PDE4D: variants seen among roughly 807,000 people sequenced by gnomAD.
PDE4D encodes the protein phosphodiesterase 4D.
A neutral mutation model predicts 87.4 loss-of-function variants in PDE4D; 24 were observed. That is an observed-to-expected ratio of 0.27 (90% CI 0.20 to 0.39). The LOEUF is 0.39. PDE4D is among the 10% of genes least tolerant of loss of function. The probability of loss-of-function intolerance (pLI) is 1.00; values close to 1 mark genes in which losing one functional copy is unlikely to be tolerated. For synonymous variants in PDE4D, 384 were observed against 383.2 expected (o/e 1.00, Z -0.02); for missense variants, 714 against 1,041.0 (o/e 0.69, Z 4.32).
At chr5:59,152,970 G>T (rs1044723683) in intron 5 of PDE4D, among the ~76,000 whole-genome samples, 3 of 152,138 alleles carry the variant, frequency 2.0e-5, no homozygotes, top group Non-Finnish European at 1.5e-5. Flanking sequence ...AGTTAGGGCA[G>T]ATAAAGTATG....
intron 1 of PDE4D, among the ~76,000 whole-genome samples, chr5:59,831,976 C>G (rs1741321266): frequency 6.6e-6 from 1 of 152,082 alleles, no homozygotes; most frequent in Non-Finnish European, 1.5e-5. Flanking sequence ...ATGGGCATAG[C>G]AGAATGGCAG....
intron 1 of PDE4D, among the ~76,000 whole-genome samples, chr5:59,686,284 A>G (rs1484547659): frequency 6.6e-6 from 1 of 152,150 alleles, no homozygotes; most frequent in African/African-American, 2.4e-5. Flanking sequence ...ATATTTTCCC[A>G]TTTACTCTTT....
intron 6 of PDE4D, among the ~76,000 whole-genome samples, chr5:58,995,058 C>T (rs924267225): frequency 6.7e-6 from 1 of 150,106 alleles, no homozygotes; most frequent in African/African-American, 2.4e-5. Context: ...AACAAACAAA[C>T]AAAAAAACAA....
intron 1 of PDE4D, among the ~76,000 whole-genome samples, chr5:59,632,047 C>G (rs1050241596): frequency 7.2e-5 from 11 of 152,144 alleles, no homozygotes; most frequent in Admixed American, 7.2e-4. Flanking sequence ...GATGCTCTAG[C>G]TTGGTGTGGG....
intron 1 of PDE4D, among the ~76,000 whole-genome samples, chr5:59,758,707 G>A (rs1761596531): frequency 6.6e-6 from 1 of 152,034 alleles, no homozygotes; most frequent in African/African-American, 2.4e-5. Context: ...CATTCTGAAG[G>A]CCCTGAATCC....
At chr5:60,222,335 G>A (rs1375984165) in intron 1 of PDE4D, among the ~76,000 whole-genome samples, 2 of 152,052 alleles carry the variant, frequency 1.3e-5, no homozygotes, top group Admixed American at 6.6e-5. Flanking sequence ...GCTTTCAGGG[G>A]ACTGGAGACC....
intron 1 of PDE4D, among the ~76,000 whole-genome samples, chr5:60,434,917 G>A (rs940901741): frequency 1.3e-5 from 2 of 152,232 alleles, no homozygotes; most frequent in Non-Finnish European, 2.9e-5. Flanking sequence ...AAGGGAGTTA[G>A]AGATTAACTG....
intron 1 of PDE4D, among the ~76,000 whole-genome samples, chr5:59,654,359 C>G (rs1744017809): frequency 6.6e-6 from 1 of 152,208 alleles, no homozygotes; most frequent in African/African-American, 2.4e-5. Context: ...TTGAGAGTTG[C>G]TCACCTATTA....
chr5:60,457,881 T>C (rs1746596781), intron 1 of PDE4D, among the ~76,000 whole-genome samples: 1 of 152,204 alleles, frequency 6.6e-6, no homozygotes, highest in African/African-American at 2.4e-5. Context: ...TTGTGGCAGA[T>C]ATTCTCTGCT....
At chr5:59,803,388 C>T (rs2963825) in intron 1 of PDE4D, among the ~76,000 whole-genome samples, 52,421 of 150,744 alleles carry the variant, frequency 0.35, 10,024 homozygotes, top group Non-Finnish European at 0.42. Context: ...AACCTCCGCC[C>T]CCCGGGTTCA....
At chr5:59,155,352 A>G (rs1236911349) in intron 5 of PDE4D, among the ~76,000 whole-genome samples, 1 of 152,206 alleles carries the variant, frequency 6.6e-6, no homozygotes, top group African/African-American at 2.4e-5. Flanking sequence ...CAACAAAAAC[A>G]TGTTGAATAA....
intron 1 of PDE4D, among the ~76,000 whole-genome samples, chr5:59,817,654 C>T (rs925732827): frequency 6.6e-6 from 1 of 152,120 alleles, no homozygotes; most frequent in Admixed American, 6.5e-5. Context: ...AGGGTAGGGT[C>T]CTAATCTGAC....
chr5:59,356,652 A>T, intron 1 of PDE4D: 1 of 821,368 alleles, frequency 1.2e-6, no homozygotes, highest in Non-Finnish European at 1.8e-6. Context: ...TTGTCAATTT[A>T]ACAAGCATTA....
chr5:59,121,554 A>G (rs1184625349), intron 5 of PDE4D, among the ~76,000 whole-genome samples: 1 of 146,968 alleles, frequency 6.8e-6, no homozygotes, highest in African/African-American at 2.7e-5. Context: ...AATAAAAAAT[A>G]AAAAAAAAAT....
In PDE4D at chr5:59,893,464, G is replaced by A. The variant is rs1174977099; in HGVS notation, c.159C>T (p.Pro53=). Residue 53 remains proline, a synonymous_variant, in exon 1 of 15, where the codon CCC becomes CCT. Coordinates refer to ENST00000340635, the MANE Select transcript of PDE4D (RefSeq NM_001104631.2). ...GCGGCGGCGGGGGCAGGTGGTGATGGGGATGCAGGAGGCGGAACTGGGGCT... is the reference window on the plus strand; with the variant it reads ...GCGGCGGCGGGGGCAGGTGGTGATGAGGATGCAGGAGGCGGAACTGGGGCT... ...LRQPQFRLLH[P]HHHLPPPPPP... The A allele has an allele frequency of 6.5e-7, 1 of 1,532,260 alleles. No individual in the cohort carries two copies. Among genetic ancestry groups the A allele is most frequent in the Non-Finnish European group, 8.8e-7 (1 of 1,138,374 alleles). 94.9% of individuals were successfully genotyped at this position (1,532,260 alleles called of 1,614,324 possible).
At chr5:60,242,731 C>T (rs1747268735) in intron 1 of PDE4D, among the ~76,000 whole-genome samples, 1 of 151,984 alleles carries the variant, frequency 6.6e-6, no homozygotes, top group African/African-American at 2.4e-5. Flanking sequence ...TCCTGAATGA[C>T]CAACGGGTCA....
intron 1 of PDE4D, among the ~76,000 whole-genome samples, chr5:59,682,101 A>G (rs298067): frequency 0.42 from 64,248 of 151,666 alleles, 14,298 homozygotes; most frequent in East Asian, 0.69. Context: ...TATCTGTTAC[A>G]GCAGCATTAA....
intron 1 of PDE4D, among the ~76,000 whole-genome samples, chr5:60,265,422 C>G (rs907455348): frequency 2.0e-5 from 3 of 152,150 alleles, no homozygotes; most frequent in African/African-American, 7.2e-5. Context: ...GGGCCTGGTC[C>G]TCAAGATAAG....
rs1807043805 is a variant in PDE4D at position 59,495,665 on chromosome 5, G to A, written c.456-279697C>T. On this transcript the variant is annotated intron_variant, in intron 1 of 14. Coordinates refer to ENST00000340635, the MANE Select transcript of PDE4D (RefSeq NM_001104631.2). ...AGTTCCCGAAGCCAGGTTTCTTCTG[G>A]GTGGCAAGACATGCAGCTAGGGGCA... Among the ~76,000 whole-genome samples, 3 of 152,264 alleles carry A rather than the reference G, an allele frequency of 2.0e-5. No individual in the cohort carries two copies. In the South Asian group the frequency reaches 6.2e-4, roughly 32 times the overall value.
Sources: allele counts gnomAD v4.1 joint callset (sites outside exome capture counted in the v4.1 genomes callset), GRCh38; gene constraint gnomAD v4.1.1; transcripts MANE v1.5; gene names NCBI Gene and HGNC (gene_info 2026-07-23, HGNC 2026-07-21).